Variants in SFTPD observed in about 807,000 individuals in gnomAD.
SFTPD encodes surfactant protein D, also known as pulmonary surfactant-associated protein D.
In SFTPD, 18 loss-of-function variants were observed where a neutral mutation model predicts 34.6. The observed-to-expected ratio is 0.52, with a 90% CI of 0.36 to 0.77. The LOEUF (loss-of-function observed/expected upper bound fraction) is 0.77, where lower values mean the gene tolerates loss of function less well. Ranked by LOEUF, SFTPD falls within the 30% of genes least tolerant of loss-of-function variation. The probability of loss-of-function intolerance (pLI) is 0.00; values close to 1 mark genes in which losing one functional copy is unlikely to be tolerated. For synonymous variants in SFTPD, 155 were observed against 180.9 expected (o/e 0.86, Z 1.15); for missense variants, 433 against 468.9 (o/e 0.92, Z 0.71).
At chr10:79,949,020 T>C (rs1035627795) in intron 1 of SFTPD, 46 bp downstream of exon 1, 2 of 152,138 alleles carry the variant, frequency 1.3e-5, no homozygotes, top group Non-Finnish European at 2.9e-5. Context: ...GGGATATTTA[T>C]AGGATGTGGA....
upstream of SFTPD, among the ~76,000 whole-genome samples, chr10:79,949,834 T>G (rs1287642597): frequency 6.7e-6 from 1 of 148,736 alleles, no homozygotes; most frequent in African/African-American, 2.5e-5. Flanking sequence ...GCTACTTTTA[T>G]CCAATCTTTT....
At chr10:79,978,894 A>G (rs1401410839) in intron 1 of SFTPD, among the ~76,000 whole-genome samples, 1 of 152,022 alleles carries the variant, frequency 6.6e-6, no homozygotes, top group Non-Finnish European at 1.5e-5. Flanking sequence ...AATGAAAGAA[A>G]GAAAGAAAGA....
At chr10:79,968,916 G>A (rs1842819391) in intron 1 of SFTPD, 1 of 152,022 alleles carries the variant, frequency 6.6e-6, no homozygotes, top group Non-Finnish European at 1.5e-5. Context: ...TTTATCTGAT[G>A]ATTAGTGATA....
chr10:79,937,996 T>G lies in SFTPD; in HGVS notation c.984A>C (p.Thr328=), dbSNP rs762656347. Residue 328 remains threonine, a synonymous_variant, in exon 8 of 8, where the codon ACA becomes ACC. Transcript: ENST00000372292. The part of the protein sequence containing the change: ...SKTEGKFTYP[T]GESLVYSNWA... ...AGTTGGAATAGACCAGGGACTCTCCTGTGGGGTAGGTGAACTTGCCCTCTG... is the reference window on the plus strand; with the variant it reads ...AGTTGGAATAGACCAGGGACTCTCCGGTGGGGTAGGTGAACTTGCCCTCTG... 1.2e-6 allele frequency: 2 copies of G among 1,613,752 alleles called. No individual in the cohort carries two copies. The highest frequency in any genetic ancestry group is 2.7e-5 in the African/African-American group (2 of 74,920).
chr10:79,954,588 T>G (rs758021712), intron 1 of SFTPD, among the ~76,000 whole-genome samples: 1 of 152,176 alleles, frequency 6.6e-6, no homozygotes, highest in Non-Finnish European at 1.5e-5. Context: ...GCAGGTTGCC[T>G]TGGAGTTTGT....
At chr10:79,977,444 G>T (rs1047626686) in intron 1 of SFTPD, among the ~76,000 whole-genome samples, 2 of 151,246 alleles carry the variant, frequency 1.3e-5, no homozygotes, top group East Asian at 4.0e-4. Flanking sequence ...CAGCTTTTCT[G>T]ATACTCAATC....
At chr10:79,965,459 A>T (rs546427233) in intron 1 of SFTPD, among the ~76,000 whole-genome samples, 157 of 151,534 alleles carry the variant, frequency 1.0e-3, no homozygotes, top group African/African-American at 3.6e-3. Context: ...CAGCCCTGAG[A>T]AACATCACCA....
intron 1 of SFTPD, among the ~76,000 whole-genome samples, chr10:79,967,648 G>A (rs1329969559): frequency 6.8e-5 from 9 of 133,052 alleles, no homozygotes; most frequent in Non-Finnish European, 9.3e-5. Context: ...AAATAATGCC[G>A]CATATCTACA....
chr10:79,952,496 T>C (rs1842715971), upstream of SFTPD, among the ~76,000 whole-genome samples: 2 of 152,162 alleles, frequency 1.3e-5, no homozygotes, highest in Admixed American at 6.5e-5. Flanking sequence ...ACAGCCAGCC[T>C]CTTCTCACAC....
chr10:79,960,439 C>T (rs1289298099), intron 1 of SFTPD, among the ~76,000 whole-genome samples: 1 of 150,254 alleles, frequency 6.7e-6, no homozygotes, highest in Admixed American at 6.7e-5. Context: ...TAAGCAACTT[C>T]AGCAAAGTCT....
In SFTPD at chr10:79,938,131, C is replaced by T. The variant is rs1224682800; in HGVS notation, c.849G>A (p.Gln283=). 2 of 1,613,920 alleles carry T rather than the reference C, an allele frequency of 1.2e-6. No homozygotes were observed. The highest frequency in any genetic ancestry group is 1.1e-5 in the South Asian group (1 of 91,082). The change falls in exon 8 of 8, where the codon CAG becomes CAA. Residue 283 remains glutamine (Q), a synonymous_variant. Transcript: ENST00000372292. ...GTGGAGAGGCCAACTGTCCACCAGC[C>T]TGTGTGCACAGCAGCTGTGCCTCCG... is the stretch of plus-strand genomic sequence containing the variant. ...PFTEAQLLCT[Q]AGGQLASPRS...
chr10:79,942,852 C>A lies in SFTPD; in HGVS notation c.227G>T (p.Gly76Val). Residue 76 changes from glycine (G) to valine (V), a missense_variant, in exon 3 of 8, where the codon GGG becomes GTG. Transcript: ENST00000372292. ...AACTGGGCCAGCTTGTCCAGGCATC[C>A]CTGCTTGCCCTGCAGCTCCTGGCAA... ...PGLPGAAGQAGMPGQAGPVGP... is the reference protein window; with the variant it reads ...PGLPGAAGQAVMPGQAGPVGP... 1 of 1,613,772 alleles carries A rather than the reference C, an allele frequency of 6.2e-7. No homozygotes were observed. The highest frequency in any genetic ancestry group is 1.7e-5 in the Admixed American group (1 of 60,018).
chr10:79,939,160 C>T (rs1183203780), intron 7 of SFTPD, among the ~76,000 whole-genome samples: 4 of 152,226 alleles, frequency 2.6e-5, no homozygotes, highest in East Asian at 1.9e-4. Flanking sequence ...AATGAGGGCT[C>T]ACTTCACAAA....
At chr10:79,975,057 G>A (rs1158143588) in intron 1 of SFTPD, among the ~76,000 whole-genome samples, 1 of 152,124 alleles carries the variant, frequency 6.6e-6, no homozygotes, top group Non-Finnish European at 1.5e-5. Context: ...GTTGATCTGG[G>A]GGGGTGTATT....
chr10:79,942,673 C>T, intron 3 of SFTPD, 90 bp downstream of exon 3: 2 of 1,028,826 alleles, frequency 1.9e-6, no homozygotes, highest in East Asian at 2.4e-5. Flanking sequence ...CAACCTTCTT[C>T]CTGGGATGGG....
At chr10:79,977,048 T>A (rs1170188952) in intron 1 of SFTPD, among the ~76,000 whole-genome samples, 1 of 152,222 alleles carries the variant, frequency 6.6e-6, no homozygotes, top group African/African-American at 2.4e-5. Context: ...CGTGGAACTG[T>A]AAATCCAATT....
In SFTPD at chr10:79,980,573, G is replaced by A. The variant is rs78649581; in HGVS notation, c.36+2002C>T. 1.8e-3 allele frequency among the ~76,000 whole-genome samples: 267 copies of A among 152,334 alleles called. 6 individuals carry two copies. The East Asian group carries it at 0.04, about 23-fold the overall frequency. On this transcript the variant is annotated intron_variant, in intron 1 of 5. Coordinates refer to the SFTPD transcript ENST00000444384. ...CACAATCCCAGCAGTGATGGCTATG[G>A]GAGTGCTTGTGTCACCCCTTCCTCA...
chr10:79,955,628 G>C (rs1350015120), intron 1 of SFTPD, among the ~76,000 whole-genome samples: 4 of 152,186 alleles, frequency 2.6e-5, no homozygotes, highest in African/African-American at 9.7e-5. Flanking sequence ...CTGTTCACTA[G>C]ATTCTGCAAC....
At chr10:79,938,392 G>A (rs548966641) in intron 7 of SFTPD, among the ~76,000 whole-genome samples, 164 bp from the exon 8 acceptor site, 21 of 152,168 alleles carry the variant, frequency 1.4e-4, no homozygotes, top group East Asian at 9.7e-4. Context: ...AACAGCCCCC[G>A]TCCCATGACC....
Sources: allele counts gnomAD v4.1 joint callset (sites outside exome capture counted in the v4.1 genomes callset), GRCh38; gene constraint gnomAD v4.1.1; transcripts MANE v1.5; gene names NCBI Gene and HGNC (gene_info 2026-07-23, HGNC 2026-07-21).